MMP26: variants seen among roughly 807,000 people sequenced by gnomAD.
The protein encoded by MMP26 is matrix metallopeptidase 26, also known as matrix metalloproteinase-26.
In MMP26, 33 loss-of-function variants were observed where a neutral mutation model predicts 31.0. That is an observed-to-expected ratio of 1.06 (90% CI 0.81 to 1.42). MMP26 has a LOEUF of 1.42. MMP26 is among the 40% of genes most tolerant of loss of function. MMP26 has a pLI of 0.00. For missense variants in MMP26, 347 were observed against 316.1 expected, an observed-to-expected ratio of 1.10 and a Z score of -0.74; for synonymous variants, 122 against 114.9, an observed-to-expected ratio of 1.06 and a Z score of -0.40.
At chr11:4,771,882 C>CAAG (rs1272022174) in intron 2 of MMP26, among the ~76,000 whole-genome samples, 1 of 152,186 alleles carries the variant, frequency 6.6e-6, no homozygotes, top group Non-Finnish European at 1.5e-5. Flanking sequence ...CTCATGATAT[C>CAAG]TGACTTTTCT....
intron 2 of MMP26, chr11:4,973,021 C>T (rs2133633194): frequency 6.5e-6 from 1 of 153,784 alleles, no homozygotes; most frequent in Admixed American, 6.5e-5. Flanking sequence ...CAATGGGGTT[C>T]ATCAATGGAG....
intron 2 of MMP26, chr11:4,915,745 G>A: frequency 2.4e-6 from 2 of 846,618 alleles, no homozygotes; most frequent in East Asian, 2.6e-5. Flanking sequence ...TGCACCTGGT[G>A]GAAATTAAAG....
intron 2 of MMP26, among the ~76,000 whole-genome samples, chr11:4,890,762 T>C (rs894439040): frequency 1.3e-5 from 2 of 151,984 alleles, no homozygotes; most frequent in African/African-American, 2.4e-5. Flanking sequence ...AAACAGACTG[T>C]AATAAAGTCA....
chr11:4,966,931 G>T (rs1205280554), intron 2 of MMP26, among the ~76,000 whole-genome samples: 3 of 152,154 alleles, frequency 2.0e-5, no homozygotes, highest in African/African-American at 7.2e-5. Context: ...ATCTTTAGAT[G>T]GTGGAGTGAG....
chr11:4,839,661 C>G (rs181630019), intron 2 of MMP26, among the ~76,000 whole-genome samples: 8 of 151,692 alleles, frequency 5.3e-5, no homozygotes, highest in Admixed American at 3.9e-4. Flanking sequence ...ACTGAAGAGC[C>G]CTTGGACCCC....
chr11:4,769,339 G>A (rs1848678044), intron 2 of MMP26: 1 of 1,613,436 alleles, frequency 6.2e-7, no homozygotes, highest in East Asian at 2.2e-5. Context: ...TTGCCCGAAT[G>A]TCTGAACATG....
chr11:4,924,123 A>C (rs1851231783), intron 2 of MMP26: 1 of 1,614,032 alleles, frequency 6.2e-7, no homozygotes, highest in African/African-American at 1.3e-5. Flanking sequence ...CAAAGGCCTA[A>C]GTCTGTGACA....
At chr11:4,726,443 C>G (rs1313975923) in intron 1 of MMP26, among the ~76,000 whole-genome samples, 2 of 151,068 alleles carry the variant, frequency 1.3e-5, no homozygotes, top group African/African-American at 4.9e-5. Flanking sequence ...GCCTGGGAGA[C>G]AAGAGTGCAA....
At chr11:4,780,919 A>G (rs1848850177) in intron 2 of MMP26, among the ~76,000 whole-genome samples, 1 of 151,894 alleles carries the variant, frequency 6.6e-6, no homozygotes. Flanking sequence ...AAATTTACAT[A>G]TTTAATTACA....
chr11:4,931,428 AGAG>A (rs1851345475), intron 2 of MMP26, among the ~76,000 whole-genome samples: 1 of 152,078 alleles, frequency 6.6e-6, no homozygotes, highest in South Asian at 2.1e-4. Flanking sequence ...AAGCAGAAGA[AGAG>A]GAACAAAGAG....
intron 2 of MMP26, among the ~76,000 whole-genome samples, chr11:4,926,349 T>C (rs1015069198): frequency 6.6e-6 from 1 of 152,180 alleles, no homozygotes; most frequent in Non-Finnish European, 1.5e-5. Flanking sequence ...CAGAGTTTGC[T>C]GTGAGCAGTT....
At chr11:4,919,875 G>C (rs1040035238) in intron 2 of MMP26, among the ~76,000 whole-genome samples, 4 of 152,052 alleles carry the variant, frequency 2.6e-5, no homozygotes, top group African/African-American at 9.7e-5. Context: ...CATACTCTTA[G>C]GGACTTCATC....
chr11:4,834,967 C>T (rs1286468605), intron 2 of MMP26, among the ~76,000 whole-genome samples: 3 of 151,806 alleles, frequency 2.0e-5, no homozygotes, highest in African/African-American at 7.3e-5. Flanking sequence ...TATGGAAAGA[C>T]ATGGAAGTAG....
At chr11:4,714,918 TCTCACACA>T (rs1161636267) in intron 1 of MMP26, among the ~76,000 whole-genome samples, 3 of 130,274 alleles carry the variant, frequency 2.3e-5, no homozygotes, top group African/African-American at 9.7e-5. Flanking sequence ...TCTCTCTCTC[TCTCACACA>T]CACACACACA....
At chr11:4,939,082 A>G (rs1439241653) in intron 2 of MMP26, among the ~76,000 whole-genome samples, 3 of 152,136 alleles carry the variant, frequency 2.0e-5, no homozygotes, top group South Asian at 2.1e-4. Flanking sequence ...CTCTTCAGGC[A>G]CGTAATCTAG....
chr11:4,991,235 A>G, intron 5 of MMP26, 136 bp from the exon 6 acceptor site: 2 of 1,100,816 alleles, frequency 1.8e-6, no homozygotes, highest in Middle Eastern at 2.1e-4. Flanking sequence ...CTGCATAGAT[A>G]ATGCCTTAGC....
chr11:4,865,315 G>A (rs1286684964), intron 2 of MMP26, among the ~76,000 whole-genome samples: 1 of 151,998 alleles, frequency 6.6e-6, no homozygotes, highest in African/African-American at 2.4e-5. Flanking sequence ...TGTATTGCCA[G>A]TGTTTGTCTA....
chr11:4,854,576 G>T (rs1394463273), intron 2 of MMP26, among the ~76,000 whole-genome samples: 1 of 152,202 alleles, frequency 6.6e-6, no homozygotes, highest in African/African-American at 2.4e-5. Flanking sequence ...AGTTCAAACT[G>T]GGTGGAACCC....
chr11:4,776,340 T>G (rs1297968009), intron 2 of MMP26, among the ~76,000 whole-genome samples: 7 of 152,180 alleles, frequency 4.6e-5, no homozygotes, highest in African/African-American at 1.4e-4. Context: ...CAAATAACAG[T>G]TCTATGTTTA....
Sources: allele counts gnomAD v4.1 joint callset (sites outside exome capture counted in the v4.1 genomes callset), GRCh38; gene constraint gnomAD v4.1.1; transcripts MANE v1.5; gene names NCBI Gene and HGNC (gene_info 2026-07-23, HGNC 2026-07-21).